The following BBX variants were observed in gnomAD, a reference collection of about 807,000 sequenced individuals.
BBX encodes the protein BBX high mobility group box domain containing.
BBX carries 30 observed loss-of-function variants against 100.2 expected under a neutral mutation model. The observed-to-expected ratio is 0.30, with a 90% CI of 0.22 to 0.41. The LOEUF (loss-of-function observed/expected upper bound fraction) is 0.41, where lower values mean the gene tolerates loss of function less well. BBX is among the 10% of genes least tolerant of loss of function. The pLI, the probability that BBX is intolerant of heterozygous loss-of-function variation, is 1.00. For missense variants in BBX, 1,023 were observed against 1,129.8 expected, an observed-to-expected ratio of 0.91 and a Z score of 1.35; for synonymous variants, 376 against 388.1, an observed-to-expected ratio of 0.97 and a Z score of 0.37.
chr3:107,729,795 A>G (rs2063192800), intron 6 of BBX, among the ~76,000 whole-genome samples: 3 of 152,212 alleles, frequency 2.0e-5, no homozygotes, highest in Admixed American at 1.3e-4. Context: ...AAAGGTTGGG[A>G]AAAGAGGTTG....
At chr3:107,719,462 C>T (rs1424612855) in intron 5 of BBX, among the ~76,000 whole-genome samples, 1 of 151,876 alleles carries the variant, frequency 6.6e-6, no homozygotes, top group African/African-American at 2.4e-5. Context: ...ATGAAAATTT[C>T]CTCTGACCCC....
At chr3:107,687,877 A>G (rs900141379) in intron 3 of BBX, among the ~76,000 whole-genome samples, 4 of 152,226 alleles carry the variant, frequency 2.6e-5, no homozygotes, top group Admixed American at 2.6e-4. Context: ...CAACATGGCG[A>G]AACCCCATCT....
chr3:107,773,262 C>T lies in BBX; in HGVS notation c.1541C>T (p.Ser514Phe). Residue 514 changes from serine (S) to phenylalanine (F), a missense_variant, in exon 11 of 18, where the codon TCC becomes TTC. Coordinates refer to ENST00000325805, the MANE Select transcript of BBX (RefSeq NM_001142568.3). This position sits in a 1 kb window ranked among gnomAD's most constrained non-coding sequence, Gnocchi z 4.1. The stretch of plus-strand genomic sequence containing the variant: ...ACCCCTCGCAAGAAGGTCCGCACAT[C>T]CTCAAGTGGCAAGGGAAGCATTTTG... ...GDTPRKKVRT[S>F]SSGKGSILDA... 1 of 1,614,034 alleles carries T rather than the reference C, an allele frequency of 6.2e-7. No individual in the cohort carries two copies. The highest frequency in any genetic ancestry group is 8.5e-7 in the Non-Finnish European group (1 of 1,179,994).
chr3:107,764,227 G>A (rs976909126), intron 10 of BBX, among the ~76,000 whole-genome samples: 2 of 152,074 alleles, frequency 1.3e-5, no homozygotes, highest in African/African-American at 2.4e-5. Flanking sequence ...CCTGACCTCA[G>A]GTGATCCACC....
intron 17 of BBX, among the ~76,000 whole-genome samples, chr3:107,803,932 A>G (rs766228101): frequency 2.2e-5 from 3 of 136,808 alleles, no homozygotes; most frequent in African/African-American, 8.1e-5. Flanking sequence ...CTTTTTTTAC[A>G]TTGCACTTTT....
chr3:107,580,101 C>T (rs1465082572), intron 2 of BBX, among the ~76,000 whole-genome samples: 4 of 151,986 alleles, frequency 2.6e-5, no homozygotes, highest in Admixed American at 1.3e-4. Context: ...ATTTGACTTA[C>T]TTATGGCATT....
At position 107,773,347 on chromosome 3, in the gene BBX, A is replaced by G. The variant is rs757274152; in HGVS notation, c.1626A>G (p.Lys542=). The G allele has an allele frequency of 9.9e-6, 16 of 1,613,996 alleles. No homozygotes were observed. Among genetic ancestry groups the G allele is most frequent in the Middle Eastern group, 1.6e-4 (1 of 6,084 alleles). Residue 542 remains lysine, a synonymous_variant, in exon 11 of 18, where the codon AAA becomes AAG. Coordinates refer to ENST00000325805, the MANE Select transcript of BBX (RefSeq NM_001142568.3). This position sits in a 1 kb window ranked among gnomAD's most constrained non-coding sequence, Gnocchi z 4.1. ...KSREKKMSKE[K]SSDTTKESRP... ...GAGAGAAGAAAATGTCAAAGGAGAA[A>G]TCCTCAGACACCACCAAAGAGTCAA...
chr3:107,556,943 T>C (rs1011014252), intron 2 of BBX, among the ~76,000 whole-genome samples: 3 of 152,234 alleles, frequency 2.0e-5, no homozygotes, highest in Admixed American at 1.3e-4. Flanking sequence ...TTGAAGTTTC[T>C]AGAATGCTTT....
At chr3:107,555,748 A>G (rs984209365) in intron 2 of BBX, among the ~76,000 whole-genome samples, 7 of 152,182 alleles carry the variant, frequency 4.6e-5, no homozygotes, top group Non-Finnish European at 7.4e-5. Context: ...CTGTGAAATC[A>G]TGGATGAAGC....
At chr3:107,753,498 TAAGGA>T (rs2065234432) in intron 9 of BBX, among the ~76,000 whole-genome samples, 1 of 152,088 alleles carries the variant, frequency 6.6e-6, no homozygotes, top group African/African-American at 2.4e-5. Context: ...CCAGAGGCAA[TAAGGA>T]AAACTGTTCT....
intron 10 of BBX, among the ~76,000 whole-genome samples, chr3:107,764,796 G>A (rs2066239426): frequency 6.6e-6 from 1 of 152,164 alleles, no homozygotes; most frequent in Admixed American, 6.5e-5. Flanking sequence ...CATTAATTCT[G>A]TTTCCCACAA....
rs71113691 is a variant in BBX, at chr3:107,797,364, A to ATATATATATATATATG, written c.2354-1159_2354-1158insTATATATATATATATG. Among the ~76,000 whole-genome samples the ATATATATATATATATG allele has an allele frequency of 3.9e-3, 429 of 109,806 alleles. 45 individuals are homozygous for ATATATATATATATATG. Among genetic ancestry groups the ATATATATATATATATG allele is most frequent in the Non-Finnish European group, 5.9e-3 (316 of 53,170 alleles). 72.0% of individuals were successfully genotyped at this position (109,806 alleles called of 152,430 possible). On this transcript the variant is annotated intron_variant, in intron 15 of 17. Coordinates refer to ENST00000325805, the MANE Select transcript of BBX (RefSeq NM_001142568.3). Reference sequence around the variant, plus strand: ...TATATATATATATATATATATATATAGCTTTATTGCCAATATCTACCTTCA... The same window carrying ATATATATATATATATG: ...TATATATATATATATATATATATATATATATATATATATATGGCTTTATTGCCAATATCTACCTTCA...
At chr3:107,538,235 G>T (rs548161578) in intron 2 of BBX, among the ~76,000 whole-genome samples, 3 of 152,086 alleles carry the variant, frequency 2.0e-5, no homozygotes, top group Non-Finnish European at 2.9e-5. Flanking sequence ...GATAATCTCT[G>T]CATGAGCGAT....
intron 10 of BBX, among the ~76,000 whole-genome samples, chr3:107,761,211 T>C (rs2065873773): frequency 6.6e-6 from 1 of 152,206 alleles, no homozygotes; most frequent in Non-Finnish European, 1.5e-5. Context: ...AGGTAGATGG[T>C]AACAAGTCTA....
chr3:107,646,892 T>G (rs2057550288), intron 3 of BBX, among the ~76,000 whole-genome samples: 1 of 152,174 alleles, frequency 6.6e-6, no homozygotes, highest in African/African-American at 2.4e-5. Context: ...TTCTATGATG[T>G]CAGTATAAAT....
intron 3 of BBX, among the ~76,000 whole-genome samples, chr3:107,691,072 A>G (rs2060142105): frequency 2.0e-5 from 3 of 151,770 alleles, no homozygotes; most frequent in East Asian, 1.9e-4. Flanking sequence ...ATGCCTGGTT[A>G]ATTATTAAAT....
chr3:107,552,901 G>A (rs1213364668), intron 2 of BBX, among the ~76,000 whole-genome samples: 1 of 152,210 alleles, frequency 6.6e-6, no homozygotes, highest in African/African-American at 2.4e-5. Context: ...AATATATAGG[G>A]ATTTATAGAT....
intron 3 of BBX, among the ~76,000 whole-genome samples, chr3:107,660,326 G>T (rs2058378796): frequency 6.6e-6 from 1 of 151,670 alleles, no homozygotes; most frequent in Non-Finnish European, 1.5e-5. Context: ...TTTTTTTCTG[G>T]TTTGCAATAC....
chr3:107,771,700 A>C (rs1454489928), intron 10 of BBX, among the ~76,000 whole-genome samples: 1 of 152,190 alleles, frequency 6.6e-6, no homozygotes, highest in Non-Finnish European at 1.5e-5. Context: ...GAAAACAAAA[A>C]CAAGTTTGTT....
Sources: allele counts gnomAD v4.1 joint callset (sites outside exome capture counted in the v4.1 genomes callset), GRCh38; gene constraint gnomAD v4.1.1; non-coding constraint Gnocchi (gnomAD v3.1); transcripts MANE v1.5; gene names NCBI Gene and HGNC (gene_info 2026-07-23, HGNC 2026-07-21).